The following ANO3 variants were observed in gnomAD, a reference collection of about 807,000 sequenced individuals.
ANO3 encodes the protein anoctamin-3.
A neutral mutation model predicts 144.8 loss-of-function variants in ANO3; 99 were observed. The ratio of observed to expected loss-of-function variants is 0.68; its 90% CI spans 0.58 to 0.81. The LOEUF (loss-of-function observed/expected upper bound fraction) is 0.81. ANO3 is among the 30% of genes least tolerant of loss of function. The pLI, the probability that ANO3 is intolerant of heterozygous loss-of-function variation, is 0.00. For missense variants in ANO3, 905 were observed against 1,202.2 expected, an observed-to-expected ratio of 0.75 and a Z score of 3.66; for synonymous variants, 414 against 392.6, an observed-to-expected ratio of 1.05 and a Z score of -0.64.
chr11:26,534,701 C>A, intron 9 of ANO3, 139 bp downstream of exon 9: 2 of 486,454 alleles, frequency 4.1e-6, no homozygotes, highest in Non-Finnish European at 7.0e-6. Flanking sequence ...ACTCTATAAG[C>A]ATTCCATTTT....
chr11:26,322,396 A>T (rs1241802246), intron 1 of ANO3, among the ~76,000 whole-genome samples: 3 of 152,042 alleles, frequency 2.0e-5, no homozygotes, highest in Non-Finnish European at 4.4e-5. Flanking sequence ...CCTATAGTTT[A>T]TTCATATTTT....
chr11:26,427,520 A>G (rs1490211012), intron 1 of ANO3: 1 of 152,170 alleles, frequency 6.6e-6, no homozygotes, highest in Non-Finnish European at 1.5e-5. Context: ...TTTCAAAATC[A>G]ATGGGAAATA....
chr11:26,278,996 T>G (rs1024836374), intron 1 of ANO3, among the ~76,000 whole-genome samples: 2 of 152,166 alleles, frequency 1.3e-5, no homozygotes, highest in Admixed American at 1.3e-4. Flanking sequence ...TCACCCTACA[T>G]AGCCTTCAAT....
chr11:26,241,259 G>A (rs1011571925), intron 1 of ANO3, among the ~76,000 whole-genome samples: 6 of 152,112 alleles, frequency 3.9e-5, no homozygotes, highest in African/African-American at 7.2e-5. Flanking sequence ...TCCCAGTCTC[G>A]GGTATGTCTT....
intron 14 of ANO3, among the ~76,000 whole-genome samples, chr11:26,577,579 A>AAG (rs1273198538): frequency 1.3e-4 from 16 of 118,794 alleles, no homozygotes; most frequent in Non-Finnish European, 2.5e-4. Flanking sequence ...AAAAAAAAAA[A>AAG]AGAGAGAGAG....
intron 4 of ANO3, among the ~76,000 whole-genome samples, chr11:26,493,207 A>G (rs1860783938): frequency 6.6e-6 from 1 of 152,178 alleles, no homozygotes; most frequent in Admixed American, 6.5e-5. Context: ...GATAGCCTAA[A>G]GTAGTGTTAA....
At chr11:26,535,366 G>A (rs1418277756) in intron 9 of ANO3, among the ~76,000 whole-genome samples, 1 of 152,092 alleles carries the variant, frequency 6.6e-6, no homozygotes, top group Admixed American at 6.6e-5. Context: ...TTTACATAGA[G>A]CTGAGCAGAA....
At chr11:26,469,701 G>C (rs1258297584) in intron 4 of ANO3, among the ~76,000 whole-genome samples, 1 of 151,796 alleles carries the variant, frequency 6.6e-6, no homozygotes, top group African/African-American at 2.4e-5. Context: ...AAATCAAAAA[G>C]AGACAAGCTT....
chr11:26,601,737 A>G (rs1851805375), intron 17 of ANO3, among the ~76,000 whole-genome samples: 1 of 152,188 alleles, frequency 6.6e-6, no homozygotes. Flanking sequence ...ACAAACTATG[A>G]CAGCTTTTCA....
intron 1 of ANO3, among the ~76,000 whole-genome samples, chr11:26,216,824 G>T (rs542119819): frequency 6.6e-6 from 1 of 151,980 alleles, no homozygotes; most frequent in Non-Finnish European, 1.5e-5. Context: ...ACAACAAGAT[G>T]TTGGAAATAT....
intron 14 of ANO3, among the ~76,000 whole-genome samples, chr11:26,581,411 C>T (rs71480127): frequency 0.13 from 19,009 of 151,080 alleles, 1,457 homozygotes; most frequent in Non-Finnish European, 0.16. Flanking sequence ...AGGAGAAGGC[C>T]GGACACTTGG....
chr11:26,332,044 G>A, upstream of ANO3: 1 of 1,330,070 alleles, frequency 7.5e-7, no homozygotes, highest in Non-Finnish European at 9.9e-7. Context: ...ATGCGGGGTT[G>A]TTCCCAGAGT....
At chr11:26,652,086 A>G (rs1410356715) in intron 24 of ANO3, among the ~76,000 whole-genome samples, 1 of 152,136 alleles carries the variant, frequency 6.6e-6, no homozygotes, top group African/African-American at 2.4e-5. Context: ...GAATTGCAGA[A>G]TCACATCGTT....
intron 1 of ANO3, among the ~76,000 whole-genome samples, chr11:26,388,928 G>A (rs1290310904): frequency 6.6e-6 from 1 of 152,116 alleles, no homozygotes; most frequent in Non-Finnish European, 1.5e-5. Context: ...GTAGGAGTCT[G>A]CCATGATTCA....
chr11:26,564,360 G>T (rs1434193285), intron 14 of ANO3, among the ~76,000 whole-genome samples: 2 of 151,262 alleles, frequency 1.3e-5, no homozygotes, highest in Non-Finnish European at 3.0e-5. Context: ...TATATGATTT[G>T]TTTTTTACAT....
chr11:26,323,574 C>A (rs1027928057), intron 1 of ANO3, among the ~76,000 whole-genome samples: 3 of 152,084 alleles, frequency 2.0e-5, no homozygotes, highest in Non-Finnish European at 4.4e-5. Context: ...TTAGCCATTT[C>A]AAAACACGTG....
chr11:26,634,959 T>C (rs947842464), intron 19 of ANO3, 54 bp from the exon 20 acceptor site: 21 of 1,431,722 alleles, frequency 1.5e-5, no homozygotes, highest in Non-Finnish European at 2.1e-5. Flanking sequence ...CCTAAGTAGA[T>C]GTTCTTCAGT....
rs1278469581 is a variant in ANO3 at position 26,588,757 on chromosome 11, G to A, written c.1448-9608G>A. 2.0e-5 allele frequency among the ~76,000 whole-genome samples: 3 copies of A among 152,126 alleles called. No individual in the cohort carries two copies. In the East Asian group the frequency reaches 5.8e-4, roughly 29 times the overall value. ...CTTAAGTCCCAGCCTAGGAATCACTGTATGTTGTACTTGCTTACTTAATAT... is the reference window on the plus strand; with the variant it reads ...CTTAAGTCCCAGCCTAGGAATCACTATATGTTGTACTTGCTTACTTAATAT... On this transcript the variant is annotated intron_variant, in intron 14 of 26. Transcript: ENST00000256737.
intron 12 of ANO3, among the ~76,000 whole-genome samples, chr11:26,552,793 C>T (rs1849968853): frequency 1.3e-5 from 2 of 152,052 alleles, no homozygotes; most frequent in South Asian, 4.1e-4. Context: ...CTCCAATGAA[C>T]ATTCTGCACC....
Sources: gnomAD v4.1 joint callset for allele counts (sites outside exome capture counted in the v4.1 genomes callset) on GRCh38, gnomAD v4.1.1 for gene constraint, MANE v1.5 for transcripts, NCBI Gene and HGNC (gene_info 2026-07-23, HGNC 2026-07-21) for gene names.